Variants in CIAPIN1 observed in about 807,000 individuals in gnomAD.
CIAPIN1 encodes the protein anamorsin.
In CIAPIN1, 18 loss-of-function variants were observed where a neutral mutation model predicts 34.3. That is an observed-to-expected ratio of 0.52 (90% CI 0.36 to 0.78). CIAPIN1 has a LOEUF of 0.78. Ranked by LOEUF, CIAPIN1 falls within the 30% of genes least tolerant of loss-of-function variation. CIAPIN1 has a pLI of 0.00. For synonymous variants in CIAPIN1, 131 were observed against 140.4 expected (o/e 0.93, Z 0.47); for missense variants, 310 against 372.5 (o/e 0.83, Z 1.38).
intron 1 of CIAPIN1, among the ~76,000 whole-genome samples, chr16:57,444,168 C>G (rs2029966377): frequency 6.6e-6 from 1 of 152,176 alleles, no homozygotes; most frequent in African/African-American, 2.4e-5. Context: ...GTTTTGAGTG[C>G]AGATGACCTA....
At chr16:57,433,978 G>T (rs1320380032) in intron 5 of CIAPIN1, 66 bp downstream of exon 5, 16 of 1,386,484 alleles carry the variant, frequency 1.2e-5, no homozygotes, top group Non-Finnish European at 1.5e-5. Flanking sequence ...ATTTATTGCT[G>T]GCTCAATTTC....
At chr16:57,439,045 A>G (rs1480080136) in intron 3 of CIAPIN1, 137 bp downstream of exon 3, 11 of 833,698 alleles carry the variant, frequency 1.3e-5, no homozygotes, top group Non-Finnish European at 2.0e-5. Flanking sequence ...GATTTTAACA[A>G]TAATTTATCC....
At chr16:57,435,649 C>T (rs1278069273) in intron 4 of CIAPIN1, among the ~76,000 whole-genome samples, 1 of 152,098 alleles carries the variant, frequency 6.6e-6, no homozygotes, top group Non-Finnish European at 1.5e-5. Context: ...AAAAAATTAG[C>T]CAGGTGTGGT....
Position 57,440,808 on chromosome 16 carries a change from G to A in CIAPIN1, c.121C>T (p.Arg41Cys), listed in dbSNP as rs751344858. The change falls in exon 2 of 9, where the codon CGC becomes TGC. Residue 41 changes from arginine to cysteine, a missense_variant. Transcript: ENST00000394391. ...KLQALTGNEG[R>C]VSVENIKQLL... Reference sequence around the variant, plus strand: ...TGCTTGATGTTTTCCACAGACACGCGGCCCTCATTGCCGGTTAACGCTTGA... The same window carrying A: ...TGCTTGATGTTTTCCACAGACACGCAGCCCTCATTGCCGGTTAACGCTTGA... 1.9e-5 allele frequency: 30 copies of A among 1,613,604 alleles called. No homozygotes were observed. The highest frequency in any genetic ancestry group is 8.3e-5 in the Admixed American group (5 of 59,956).
chr16:57,430,886 T>C (rs1205518649), intron 7 of CIAPIN1, among the ~76,000 whole-genome samples: 3 of 152,128 alleles, frequency 2.0e-5, no homozygotes, highest in Non-Finnish European at 4.4e-5. Context: ...TGAAATTAGA[T>C]ACATGGCACA....
At chr16:57,436,827 A>G (rs1263811096) in intron 3 of CIAPIN1, 95 bp from the exon 4 acceptor site, 1 of 933,486 alleles carries the variant, frequency 1.1e-6, no homozygotes, top group Non-Finnish European at 1.6e-6. Flanking sequence ...GCATTCAAAC[A>G]ATAATAACCA....
rs778341332 is a variant in CIAPIN1, at chr16:57,431,246, C to T, written c.651G>A (p.Glu217=). Residue 217 remains glutamate, a synonymous_variant, in exon 7 of 9, where the codon GAG becomes GAA. Transcript: ENST00000394391. The part of the protein sequence containing the change: ...DDSMDLIDSD[E]LLDPEDLKKP... ...TCTTCAAATCTTCTGGATCCAGCAG[C>T]TCATCTGAGTCAATGAGATCCTGGA... The T allele has an allele frequency of 6.2e-7, 1 of 1,613,062 alleles. No individual in the cohort carries two copies. Among genetic ancestry groups the T allele is most frequent in the South Asian group, 1.1e-5 (1 of 91,054 alleles).
At chr16:57,446,507 C>G (rs1415955180) in intron 1 of CIAPIN1, among the ~76,000 whole-genome samples, 1 of 152,210 alleles carries the variant, frequency 6.6e-6, no homozygotes, top group Non-Finnish European at 1.5e-5. Flanking sequence ...TCGACAGAAT[C>G]ACATGCTCTT....
rs1411207627 is a variant in CIAPIN1, at chr16:57,428,846, C to G, written c.*324G>C. 1 of 228,276 alleles carries G rather than the reference C, an allele frequency of 4.4e-6. No individual in the cohort carries two copies. The highest frequency in any genetic ancestry group is 1.6e-3 in the Middle Eastern group (1 of 644). 14.1% of individuals were successfully genotyped at this position (228,276 alleles called of 1,614,324 possible). A position where few individuals can be genotyped will look rare whatever the true frequency, so the allele number is the denominator to read the frequency against. On this transcript the variant is annotated 3_prime_UTR_variant, in exon 9 of 9. Coordinates refer to ENST00000394391, the MANE Select transcript of CIAPIN1 (RefSeq NM_020313.4). ...TCTGTCACAGAGTGTTAATGCTCAA[C>G]GATGCCTGGGCTCAAGAGCGTTCTG...
chr16:57,437,034 C>T (rs1033885275), intron 3 of CIAPIN1, among the ~76,000 whole-genome samples: 1 of 151,926 alleles, frequency 6.6e-6, no homozygotes, highest in Non-Finnish European at 1.5e-5. Flanking sequence ...AGCTAAGGCA[C>T]GAGAATCGCT....
At position 57,439,279 on chromosome 16, in the gene CIAPIN1, G is replaced by C; in HGVS notation, c.213C>G (p.Ser71Arg). Reference protein sequence around the residue: ...DIILSGLVPGSTTLHSAEILA... With the variant: ...DIILSGLVPGRTTLHSAEILA... ...AAATCTCAGCACTGTGCAGAGTGGT[G>C]CTTCCTGGGACTAAACCTGACAAAA... The change falls in exon 3 of 9, where the codon AGC becomes AGG. Residue 71 changes from serine to arginine, a missense_variant. By Grantham distance (110) the Ser-to-Arg change is moderately radical. Coordinates refer to ENST00000394391, the MANE Select transcript of CIAPIN1 (RefSeq NM_020313.4). 6.2e-7 allele frequency: 1 copy of C among 1,614,154 alleles called. No individual in the cohort carries two copies. Among genetic ancestry groups the C allele is most frequent in the South Asian group, 1.1e-5 (1 of 91,078 alleles).
At chr16:57,445,633 C>T (rs2030021558) in intron 1 of CIAPIN1, among the ~76,000 whole-genome samples, 2 of 152,170 alleles carry the variant, frequency 1.3e-5, no homozygotes, top group African/African-American at 4.8e-5. Context: ...CTGTGCAATC[C>T]AAGTCAGCCA....
At chr16:57,430,908 C>T (rs1243139082) in intron 7 of CIAPIN1, among the ~76,000 whole-genome samples, 1 of 152,066 alleles carries the variant, frequency 6.6e-6, no homozygotes, top group African/African-American at 2.4e-5. Flanking sequence ...TTACGGCTCA[C>T]TGCAGCCTCG....
chr16:57,431,197 C>T lies in CIAPIN1; in HGVS notation c.700G>A (p.Ala234Thr), dbSNP rs1181551737. The T allele has an allele frequency of 6.2e-7, 1 of 1,613,840 alleles. No individual in the cohort carries two copies. Among genetic ancestry groups the T allele is most frequent in the Middle Eastern group, 1.7e-4 (1 of 6,040 alleles). ...TTTTTCCCTTCCCCACAAGAAGCAGCCCGCAGGGAAGCTGGATCTGGCTTC... is the reference window on the plus strand; with the variant it reads ...TTTTTCCCTTCCCCACAAGAAGCAGTCCGCAGGGAAGCTGGATCTGGCTTC... ...LKKPDPASLR[A>T]ASCGEGKKRK... Residue 234 changes from alanine to threonine, a missense_variant, in exon 7 of 9, where the codon GCT becomes ACT. Transcript: ENST00000394391.
chr16:57,434,867 T>C (rs1242385240), intron 4 of CIAPIN1, among the ~76,000 whole-genome samples: 3 of 152,234 alleles, frequency 2.0e-5, no homozygotes, highest in Non-Finnish European at 4.4e-5. Context: ...TGCATGTAGA[T>C]GCTTGTAAAT....
In CIAPIN1 at chr16:57,432,158, G is replaced by T. The variant is rs183884800; in HGVS notation, c.630+329C>A. ...GTGAAACCCCGTCTCTGCTAAAAAC[G>T]CAAAAATTGGCCAGGTGTGGTGGCA... On this transcript the variant is annotated intron_variant, in intron 6 of 8. Transcript: ENST00000394391. 2.6e-4 allele frequency among the ~76,000 whole-genome samples: 40 copies of T among 152,222 alleles called. 1 individual carries two copies. The East Asian group carries it at 7.3e-3, about 28-fold the overall frequency.
rs1246309963 is a variant in CIAPIN1, at chr16:57,434,148, C to T, written c.452G>A (p.Ser151Asn). The part of the protein sequence containing the change: ...QSVREHLGHE[S>N]DNLLFVQITG... ...GATCTGAACAAACAGCAGGTTGTCA[C>T]TTTCATGACCAAGGTGTTCTCGAAC... The change falls in exon 5 of 9, where the codon AGT (serine) becomes AAT (asparagine). Residue 151 changes from serine (S) to asparagine (N), a missense_variant. Transcript: ENST00000394391. 1.2e-6 allele frequency: 2 copies of T among 1,614,036 alleles called. No individual in the cohort carries two copies. Among genetic ancestry groups the T allele is most frequent in the African/African-American group, 1.3e-5 (1 of 74,936 alleles).
intron 6 of CIAPIN1, among the ~76,000 whole-genome samples, chr16:57,432,067 C>A (rs1443979560): frequency 2.0e-5 from 3 of 152,034 alleles, no homozygotes; most frequent in Non-Finnish European, 4.4e-5. Flanking sequence ...AATCCCAGCA[C>A]TTTGGGAGGC....
At position 57,444,175 on chromosome 16, in the gene CIAPIN1, C is replaced by T. The variant is rs545938115; in HGVS notation, c.-56+3167G>A. Among the ~76,000 whole-genome samples the T allele has an allele frequency of 3.9e-5, 6 of 152,294 alleles. No individual in the cohort carries two copies. The East Asian group carries it at 9.6e-4, about 24-fold the overall frequency. On this transcript the variant is annotated intron_variant, in intron 1 of 8. Transcript: ENST00000394391. The stretch of plus-strand genomic sequence containing the variant: ...GGGCACAGGTTTTGAGTGCAGATGA[C>T]CTAGGGTTCTATTTACCACTGGATC...
Sources: allele counts gnomAD v4.1 joint callset (sites outside exome capture counted in the v4.1 genomes callset), GRCh38; gene constraint gnomAD v4.1.1; transcripts MANE v1.5; gene names NCBI Gene and HGNC (gene_info 2026-07-23, HGNC 2026-07-21).